Variants in NAALADL2 observed in about 807,000 individuals in gnomAD.
The protein encoded by NAALADL2 is N-acetylated alpha-linked acidic dipeptidase like 2, also known as inactive N-acetylated-alpha-linked acidic dipeptidase-like protein 2.
A neutral mutation model predicts 87.2 loss-of-function variants in NAALADL2; 76 were observed. That is an observed-to-expected ratio of 0.87 (90% confidence interval 0.72 to 1.05). The LOEUF is 1.05. Ranked by LOEUF, NAALADL2 falls within the 50% of genes least tolerant of loss-of-function variation. The probability of loss-of-function intolerance (pLI) is 0.00; values close to 1 mark genes in which losing one functional copy is unlikely to be tolerated. For missense variants in NAALADL2, 1,089 were observed against 945.8 expected (o/e 1.15, Z -1.99); for synonymous variants, 354 against 331.0 (o/e 1.07, Z -0.75).
chr3:175,592,751 A>C (rs1275561012), intron 10 of NAALADL2, among the ~76,000 whole-genome samples: 1 of 79,684 alleles, frequency 1.3e-5, no homozygotes, highest in Admixed American at 1.8e-4. Flanking sequence ...GGGTGGGGGG[A>C]GGGGTGAGGG....
chr3:175,249,231 C>T (rs1272657036), intron 3 of NAALADL2, among the ~76,000 whole-genome samples: 1 of 151,828 alleles, frequency 6.6e-6, no homozygotes, highest in African/African-American at 2.4e-5. Flanking sequence ...TATTTTCTCC[C>T]AAATTTTATT....
intron 1 of NAALADL2, among the ~76,000 whole-genome samples, chr3:174,869,583 G>A (rs911934173): frequency 1.3e-5 from 2 of 152,132 alleles, no homozygotes; most frequent in African/African-American, 4.8e-5. Flanking sequence ...CTGGATCTTC[G>A]AAGCAAAGGG....
At chr3:175,032,581 A>G (rs556091329) in intron 1 of NAALADL2, among the ~76,000 whole-genome samples, 1 of 152,214 alleles carries the variant, frequency 6.6e-6, no homozygotes, top group South Asian at 2.1e-4. Flanking sequence ...TCCAACAGCC[A>G]GCCTTTTTTT....
At chr3:175,079,530 TATTTTGAAAA>T (rs1717322055) in intron 1 of NAALADL2, 1 of 152,228 alleles carries the variant, frequency 6.6e-6, no homozygotes, top group African/African-American at 2.4e-5. Context: ...CTTAAGTATA[TATTTTGAAAA>T]ATTTTTCTAA....
intron 5 of NAALADL2, among the ~76,000 whole-genome samples, chr3:175,362,224 A>G (rs1765104347): frequency 6.8e-6 from 1 of 147,868 alleles, no homozygotes. Flanking sequence ...CCATTGGTCT[A>G]TATCTCTGTT....
At chr3:174,575,976 G>A (rs1029316995) in intron 2 of NAALADL2, among the ~76,000 whole-genome samples, 19 of 152,072 alleles carry the variant, frequency 1.2e-4, no homozygotes, top group African/African-American at 4.3e-4. Context: ...CGATGATCCT[G>A]CCTCAGACTC....
At chr3:175,430,020 CT>C (rs1717489019) in intron 5 of NAALADL2, among the ~76,000 whole-genome samples, 1 of 151,788 alleles carries the variant, frequency 6.6e-6, no homozygotes, top group African/African-American at 2.4e-5. Flanking sequence ...CCAAAATGGT[CT>C]TTAGCTTAAC....
intron 4 of NAALADL2, among the ~76,000 whole-genome samples, chr3:175,279,339 C>T (rs1037484899): frequency 2.6e-5 from 4 of 152,134 alleles, no homozygotes; most frequent in African/African-American, 9.7e-5. Flanking sequence ...AAAACCTGTC[C>T]TACCATCTGA....
At chr3:175,122,768 C>G (rs773783679) in intron 2 of NAALADL2, among the ~76,000 whole-genome samples, 4 of 151,980 alleles carry the variant, frequency 2.6e-5, no homozygotes, top group Middle Eastern at 3.4e-3. Flanking sequence ...AACATTGTCT[C>G]AATCTGTTTT....
chr3:175,768,480 T>C (rs1749043557), intron 13 of NAALADL2, among the ~76,000 whole-genome samples: 1 of 152,190 alleles, frequency 6.6e-6, no homozygotes, highest in Non-Finnish European at 1.5e-5. Context: ...AGATGGTAAA[T>C]TACATAAACT....
chr3:174,739,112 A>G (rs908481564), intron 3 of NAALADL2, among the ~76,000 whole-genome samples: 3 of 152,344 alleles, frequency 2.0e-5, no homozygotes, highest in South Asian at 4.1e-4. Flanking sequence ...ATTTTCTAGC[A>G]TAATATTCTA....
At chr3:174,546,550 A>G (rs979722146) in intron 1 of NAALADL2, among the ~76,000 whole-genome samples, 1 of 152,170 alleles carries the variant, frequency 6.6e-6, no homozygotes, top group African/African-American at 2.4e-5. Context: ...TTTCTTATTG[A>G]TGGCTTCCTC....
At chr3:175,327,148 C>CTTTTTTTTTTTTTTTT (rs35198621) in intron 5 of NAALADL2, among the ~76,000 whole-genome samples, 9 of 99,514 alleles carry the variant, frequency 9.0e-5, no homozygotes, top group African/African-American at 2.1e-4. Context: ...GTCTACATTT[C>CTTTTTTTTTTTTTTTT]TTTTTTTTTT....
chr3:175,604,298 A>ATTTT (rs33971019), intron 10 of NAALADL2, among the ~76,000 whole-genome samples: 3 of 83,556 alleles, frequency 3.6e-5, no homozygotes, highest in African/African-American at 8.7e-5. Flanking sequence ...TGACATTGAA[A>ATTTT]TTTTTTTTTT....
chr3:174,901,333 GT>G (rs528528388), intron 1 of NAALADL2, among the ~76,000 whole-genome samples: 3 of 152,130 alleles, frequency 2.0e-5, no homozygotes, highest in Non-Finnish European at 4.4e-5. Context: ...GATGGAGCTT[GT>G]GAGAAGTACA....
intron 3 of NAALADL2, among the ~76,000 whole-genome samples, chr3:174,852,874 G>A (rs1020311740): frequency 3.9e-5 from 6 of 152,026 alleles, no homozygotes; most frequent in African/African-American, 9.7e-5. Context: ...AGATGATGGA[G>A]CAGAATAAAC....
At chr3:175,006,648 GA>G (rs146490304) in intron 1 of NAALADL2, among the ~76,000 whole-genome samples, 44 of 148,464 alleles carry the variant, frequency 3.0e-4, no homozygotes, top group Admixed American at 1.3e-3. Flanking sequence ...GAGGAAAGCA[GA>G]AAAAAAAAAT....
chr3:175,770,378 G>C (rs1342519955), intron 13 of NAALADL2, among the ~76,000 whole-genome samples: 4 of 152,148 alleles, frequency 2.6e-5, no homozygotes, highest in African/African-American at 9.7e-5. Context: ...ATGGGATTCT[G>C]CTGACTTCAG....
At chr3:175,620,362 C>G (rs761740413) in intron 10 of NAALADL2, among the ~76,000 whole-genome samples, 1 of 152,194 alleles carries the variant, frequency 6.6e-6, no homozygotes, top group Non-Finnish European at 1.5e-5. Flanking sequence ...CCAGCATCCA[C>G]GTTGGGCGCC....
Sources: allele counts gnomAD v4.1 joint callset (sites outside exome capture counted in the v4.1 genomes callset), GRCh38; gene constraint gnomAD v4.1.1; transcripts MANE v1.5; gene names NCBI Gene and HGNC (gene_info 2026-07-23, HGNC 2026-07-21).